POLR1C: variants seen among roughly 807,000 people sequenced by gnomAD.
POLR1C encodes RNA polymerase I and III subunit C.
Under a neutral mutation model 38.3 loss-of-function variants are expected in POLR1C, and 42 were observed. The observed-to-expected ratio is 1.10, with a 90% CI of 0.86 to 1.42. The LOEUF (loss-of-function observed/expected upper bound fraction) is 1.42, where lower values mean the gene tolerates loss of function less well. POLR1C is among the 40% of genes most tolerant of loss of function. The probability of loss-of-function intolerance (pLI) is 0.00; values close to 1 mark genes in which losing one functional copy is unlikely to be tolerated. For synonymous variants in POLR1C, 163 were observed against 163.9 expected, an observed-to-expected ratio of 0.99 and a Z score of 0.04; for missense variants, 507 against 450.5, an observed-to-expected ratio of 1.13 and a Z score of -1.14.
In POLR1C at chr6:43,528,316, C is replaced by T. The variant is rs940507003; in HGVS notation, c.923-933C>T. ...AAAATTAGCCAAGGATGATTCTAGG[C>T]ATCAATGACAACTTCTGTAGACTCC... is the stretch of plus-strand genomic sequence containing the variant. On this transcript the variant is annotated intron_variant, in intron 8 of 8. Transcript: ENST00000304004. 5 of 1,108,372 alleles carry T rather than the reference C, an allele frequency of 4.5e-6. No individual in the cohort carries two copies. In the East Asian group the frequency reaches 1.0e-4, roughly 23 times the overall value. The allele number at this position is 1,108,372 out of a possible 1,614,324, so 68.7% of individuals were successfully genotyped here. A position where few individuals can be genotyped will look rare whatever the true frequency, so the allele number is the denominator to read the frequency against.
downstream of POLR1C, chr6:43,524,879 C>T: frequency 6.2e-7 from 1 of 1,613,996 alleles, no homozygotes; most frequent in South Asian, 1.1e-5. Flanking sequence ...AAGCCATGCA[C>T]CCGTCGTGCT....
chr6:43,550,243 G>A (rs1246380619), intron 9 of POLR1C, among the ~76,000 whole-genome samples: 2 of 152,090 alleles, frequency 1.3e-5, no homozygotes, highest in East Asian at 3.8e-4. Context: ...AAAGTTGTAT[G>A]GTCTATCCCT....
chr6:43,526,384 T>G (rs955136332), downstream of POLR1C: 6 of 450,150 alleles, frequency 1.3e-5, no homozygotes, highest in Non-Finnish European at 2.0e-5. Flanking sequence ...GTAGCTGGGG[T>G]TGCCATTTTT....
At chr6:43,549,561 T>G (rs769701064) in intron 9 of POLR1C, 7 of 1,613,462 alleles carry the variant, frequency 4.3e-6, no homozygotes, top group Non-Finnish European at 5.9e-6. Flanking sequence ...CATTCCTCAC[T>G]GCCCGGGTTC....
chr6:43,554,325 C>A (rs1338932064), intron 10 of POLR1C, among the ~76,000 whole-genome samples: 1 of 151,930 alleles, frequency 6.6e-6, no homozygotes, highest in Non-Finnish European at 1.5e-5. Context: ...CTTGGCCAGG[C>A]TGGTCTTAAA....
intron 10 of POLR1C, chr6:43,553,417 A>G (rs1290689395): frequency 6.2e-7 from 1 of 1,605,910 alleles, no homozygotes; most frequent in South Asian, 1.1e-5. Context: ...ACACTTTCCA[A>G]AAAAAGAGTC....
At position 43,517,320 on chromosome 6, in the gene POLR1C, C is replaced by T. The variant is rs770214616; in HGVS notation, c.84C>T (p.Asp28=). Residue 28 remains aspartate, a synonymous_variant, in exon 2 of 9, where the codon GAC becomes GAT. Coordinates refer to ENST00000642195, the MANE Select transcript of POLR1C (RefSeq NM_203290.4). ...CTTTGCTCTAGGTCCATACTACTGA[C>T]TTTCCCGGTAACTATTCCGGTTATG... ...EFGVRNVHTT[D]FPGNYSGYDD... 16 of 1,614,040 alleles carry T rather than the reference C, an allele frequency of 9.9e-6. No individual in the cohort carries two copies. The highest frequency in any genetic ancestry group is 1.6e-4 in the Middle Eastern group (1 of 6,084).
At chr6:43,554,280 ATT>A (rs886875201) in intron 10 of POLR1C, among the ~76,000 whole-genome samples, 2 of 142,002 alleles carry the variant, frequency 1.4e-5, no homozygotes, top group Non-Finnish European at 3.1e-5. Flanking sequence ...TAATTTTTGT[ATT>A]TTTTTTTTTT....
chr6:43,536,730 A>G (rs372983356), intron 9 of POLR1C, among the ~76,000 whole-genome samples: 3 of 125,356 alleles, frequency 2.4e-5, no homozygotes, highest in African/African-American at 9.1e-5. Context: ...ACTGCACTCC[A>G]GCCTGGACGA....
downstream of POLR1C, chr6:43,525,037 GA>G: frequency 1.9e-6 from 3 of 1,585,550 alleles, no homozygotes; most frequent in Non-Finnish European, 8.6e-7. Flanking sequence ...CAGTTCTTCT[GA>G]ATGATTTAGT....
intron 10 of POLR1C, among the ~76,000 whole-genome samples, chr6:43,552,166 T>C (rs1795257967): frequency 6.6e-6 from 1 of 151,690 alleles, no homozygotes; most frequent in African/African-American, 2.4e-5. Context: ...CAAGTGATTC[T>C]CCTGCCTCAG....
intron 9 of POLR1C, among the ~76,000 whole-genome samples, chr6:43,537,876 G>A (rs1217711904): frequency 1.3e-5 from 2 of 151,948 alleles, no homozygotes; most frequent in African/African-American, 2.4e-5. Flanking sequence ...AGACCAGCCT[G>A]GGTAACATGG....
intron 9 of POLR1C, chr6:43,547,554 C>T (rs757854731): frequency 3.4e-5 from 52 of 1,538,782 alleles, no homozygotes; most frequent in Middle Eastern, 1.7e-4. Flanking sequence ...CAAAAGACAA[C>T]ACCCTACTCC....
intron 9 of POLR1C, chr6:43,546,708 A>C (rs1283697082): frequency 1.9e-6 from 3 of 1,612,670 alleles, no homozygotes; most frequent in Non-Finnish European, 2.5e-6. Flanking sequence ...TGGGCCAGCA[A>C]GTTCGTTTCA....
intron 9 of POLR1C, chr6:43,539,144 C>T (rs116550486): frequency 0.037 from 42,399 of 1,139,796 alleles, 1,212 homozygotes; most frequent in African/African-American, 0.11. Flanking sequence ...AGAGCCACGG[C>T]GGCCTGTCAC....
At chr6:43,520,005 T>G in intron 4 of POLR1C, 61 bp from the exon 5 acceptor site, 1 of 1,601,530 alleles carries the variant, frequency 6.2e-7, no homozygotes, top group African/African-American at 1.3e-5. Flanking sequence ...CGTAAAGCAT[T>G]CAGCATAGTG....
At chr6:43,548,169 T>C (rs1013133408) in intron 9 of POLR1C, 9 of 1,272,890 alleles carry the variant, frequency 7.1e-6, no homozygotes, top group Non-Finnish European at 9.7e-6. Flanking sequence ...CACACTTCAA[T>C]ATCCTTAACC....
chr6:43,531,600 C>A (rs760248867), downstream of POLR1C: 1 of 1,586,674 alleles, frequency 6.3e-7, no homozygotes, highest in Non-Finnish European at 8.7e-7. Context: ...GGGTCAAGAA[C>A]ATGATGCTCC....
intron 9 of POLR1C, chr6:43,547,735 T>A: frequency 6.3e-7 from 1 of 1,599,728 alleles, no homozygotes; most frequent in Non-Finnish European, 8.6e-7. Context: ...AAAAACAAGT[T>A]ACATCATGAC....
Sources: gnomAD v4.1 joint callset for allele counts (sites outside exome capture counted in the v4.1 genomes callset) on GRCh38, gnomAD v4.1.1 for gene constraint, MANE v1.5 for transcripts, NCBI Gene and HGNC (gene_info 2026-07-23, HGNC 2026-07-21) for gene names.